The following CCSER1 variants were observed in gnomAD, a reference collection of about 807,000 sequenced individuals.
CCSER1 encodes coiled-coil serine rich protein 1.
CCSER1 carries 41 observed loss-of-function variants against 82.0 expected under a neutral mutation model. The observed-to-expected ratio is 0.50, with a 90% CI of 0.39 to 0.65. The LOEUF (loss-of-function observed/expected upper bound fraction) is 0.65, where lower values mean the gene tolerates loss of function less well. Ranked by LOEUF, CCSER1 falls within the 30% of genes least tolerant of loss-of-function variation. CCSER1 has a pLI of 0.00. For synonymous variants in CCSER1, 414 were observed against 383.9 expected (o/e 1.08, Z -0.92); for missense variants, 1,119 against 1,064.2 (o/e 1.05, Z -0.72).
At chr4:90,919,281 GA>G (rs1318501353) in intron 8 of CCSER1, among the ~76,000 whole-genome samples, 1 of 151,786 alleles carries the variant, frequency 6.6e-6, no homozygotes, top group Non-Finnish European at 1.5e-5. Context: ...CTTTTTAAAA[GA>G]GTTATAGTAT....
At chr4:91,548,010 C>T (rs1186602488) in intron 10 of CCSER1, among the ~76,000 whole-genome samples, 5 of 151,990 alleles carry the variant, frequency 3.3e-5, no homozygotes, top group South Asian at 2.1e-4. Flanking sequence ...TTCAAACTCC[C>T]GAGCTCAGGC....
At chr4:90,413,157 C>T (rs1029042640) in intron 4 of CCSER1, among the ~76,000 whole-genome samples, 5 of 152,062 alleles carry the variant, frequency 3.3e-5, no homozygotes, top group Admixed American at 3.3e-4. Flanking sequence ...CAACAGTTAC[C>T]AACCTGAGAA....
At chr4:90,765,463 G>T (rs1751078721) in intron 7 of CCSER1, among the ~76,000 whole-genome samples, 1 of 152,048 alleles carries the variant, frequency 6.6e-6, no homozygotes. Flanking sequence ...TTTACCCAAA[G>T]CTCCCTCCAG....
In CCSER1 at chr4:90,876,500, C is replaced by T. The variant is rs566525027; in HGVS notation, c.2095-46870C>T. Among the ~76,000 whole-genome samples, 12 of 152,058 alleles carry T rather than the reference C, an allele frequency of 7.9e-5. No homozygotes were observed. In the East Asian group the frequency reaches 9.6e-4, roughly 12 times the overall value. On this transcript the variant is annotated intron_variant, in intron 8 of 10. Transcript: ENST00000509176. ...TTAAAAAGATGAAACTAAGCTTTTC[C>T]GTATTTGTCATAAAGACATAAAATT...
chr4:91,276,607 C>A (rs1312508920), intron 10 of CCSER1, among the ~76,000 whole-genome samples: 2 of 151,966 alleles, frequency 1.3e-5, no homozygotes, highest in Non-Finnish European at 2.9e-5. Flanking sequence ...GATAATTTTA[C>A]TTCCATTTTT....
At chr4:90,525,013 C>G (rs893866922) in intron 5 of CCSER1, among the ~76,000 whole-genome samples, 2 of 151,848 alleles carry the variant, frequency 1.3e-5, no homozygotes, top group African/African-American at 4.8e-5. Flanking sequence ...ACAATAAGAC[C>G]ATTTCTATCA....
At chr4:90,426,284 T>C (rs757420034) in intron 4 of CCSER1, among the ~76,000 whole-genome samples, 25 of 152,216 alleles carry the variant, frequency 1.6e-4, no homozygotes, top group Non-Finnish European at 2.8e-4. Context: ...ATAGAGCTGA[T>C]ACTCATTGAT....
intron 6 of CCSER1, among the ~76,000 whole-genome samples, chr4:90,715,446 A>C (rs1241389700): frequency 2.0e-5 from 3 of 151,982 alleles, no homozygotes; most frequent in Non-Finnish European, 4.4e-5. Flanking sequence ...TTTAGCTTTC[A>C]GTTAGTGACT....
At chr4:91,022,579 C>T (rs1046352001) in intron 9 of CCSER1, among the ~76,000 whole-genome samples, 10 of 152,138 alleles carry the variant, frequency 6.6e-5, no homozygotes, top group Admixed American at 3.9e-4. Context: ...CCTGAGGAAT[C>T]GCCACACTGA....
intron 9 of CCSER1, among the ~76,000 whole-genome samples, chr4:90,935,517 T>C (rs1730821429): frequency 6.6e-6 from 1 of 152,172 alleles, no homozygotes; most frequent in South Asian, 2.1e-4. Flanking sequence ...GTTAGAGCAA[T>C]GCAAAATGGA....
intron 1 of CCSER1, among the ~76,000 whole-genome samples, chr4:90,296,488 T>G (rs907000341): frequency 2.0e-5 from 3 of 152,170 alleles, no homozygotes; most frequent in African/African-American, 7.2e-5. Flanking sequence ...CAGAAGCTCT[T>G]TAGTTTAATT....
At chr4:90,656,622 T>C (rs1043685726) in intron 6 of CCSER1, among the ~76,000 whole-genome samples, 1 of 152,048 alleles carries the variant, frequency 6.6e-6, no homozygotes, top group African/African-American at 2.4e-5. Flanking sequence ...TATCTTTTAA[T>C]TGGAGTCTGG....
intron 6 of CCSER1, among the ~76,000 whole-genome samples, chr4:90,721,955 G>A (rs547487095): frequency 4.2e-4 from 64 of 151,158 alleles, no homozygotes; most frequent in Non-Finnish European, 7.5e-4. Context: ...GAAAATTATA[G>A]CTAGAACACA....
At chr4:90,375,303 T>C (rs1903577) in intron 3 of CCSER1, among the ~76,000 whole-genome samples, 55,490 of 152,020 alleles carry the variant, frequency 0.37, 10,655 homozygotes, top group African/African-American at 0.47. Context: ...TAATAAAATG[T>C]CTTTGCCCTT....
intron 10 of CCSER1, among the ~76,000 whole-genome samples, chr4:91,589,424 T>C (rs1036016707): frequency 5.9e-5 from 9 of 152,082 alleles, no homozygotes; most frequent in Admixed American, 3.3e-4. Context: ...GCCACAGCGA[T>C]TGGCTATAAA....
intron 5 of CCSER1, among the ~76,000 whole-genome samples, chr4:90,544,996 C>T (rs1015618726): frequency 2.0e-5 from 3 of 152,102 alleles, no homozygotes; most frequent in Non-Finnish European, 4.4e-5. Flanking sequence ...AGCAAATTGG[C>T]TGTTAATGTC....
chr4:91,588,369 A>T (rs1764110217), intron 10 of CCSER1, among the ~76,000 whole-genome samples: 1 of 151,684 alleles, frequency 6.6e-6, no homozygotes, highest in South Asian at 2.1e-4. Flanking sequence ...ATTATTAAAT[A>T]AGCCTCTTAT....
chr4:90,932,603 G>T (rs895940392), intron 9 of CCSER1, among the ~76,000 whole-genome samples: 1 of 151,900 alleles, frequency 6.6e-6, no homozygotes, highest in Non-Finnish European at 1.5e-5. Flanking sequence ...CCAGGCGGGC[G>T]AATCACCCGA....
chr4:90,421,122 G>A (rs78646969), intron 4 of CCSER1, among the ~76,000 whole-genome samples: 366 of 152,216 alleles, frequency 2.4e-3, no homozygotes, highest in African/African-American at 8.0e-3. Context: ...ATTTCCTATC[G>A]TGCCTGAGGC....
Sources: gnomAD v4.1 joint callset for allele counts (sites outside exome capture counted in the v4.1 genomes callset) on GRCh38, gnomAD v4.1.1 for gene constraint, MANE v1.5 for transcripts, NCBI Gene and HGNC (gene_info 2026-07-23, HGNC 2026-07-21) for gene names.